Variants in ARHGAP8 observed in about 807,000 individuals in gnomAD.
ARHGAP8 encodes Rho GTPase activating protein 8.
A neutral mutation model predicts 46.1 loss-of-function variants in ARHGAP8; 62 were observed. The ratio of observed to expected loss-of-function variants is 1.34; its 90% CI spans 1.10 to 1.66. The LOEUF is 1.66. Among genes scored for constraint, ARHGAP8 ranks in the 40% most tolerant of loss-of-function variants. The pLI is 0.00. For missense variants in ARHGAP8, 923 were observed against 568.4 expected (o/e 1.62, Z -6.34); for synonymous variants, 375 against 243.1 (o/e 1.54, Z -5.05).
At chr22:44,792,598 G>A (rs1238985395) in intron 2 of ARHGAP8, among the ~76,000 whole-genome samples, 1 of 152,106 alleles carries the variant, frequency 6.6e-6, no homozygotes, top group Non-Finnish European at 1.5e-5. Context: ...TCCTTCAGGT[G>A]TGACTAGATG....
chr22:44,779,097 C>CTTCTTTTTT (rs1555910217), intron 1 of ARHGAP8, among the ~76,000 whole-genome samples: 1 of 26,106 alleles, frequency 3.8e-5, no homozygotes, highest in African/African-American at 1.5e-4. Context: ...TGGTCTCTGA[C>CTTCTTTTTT]TTTTTTTTTT....
intron 1 of ARHGAP8, among the ~76,000 whole-genome samples, chr22:44,783,049 A>C (rs1926959955): frequency 6.6e-6 from 1 of 150,416 alleles, no homozygotes; most frequent in Admixed American, 6.6e-5. Flanking sequence ...CCCGATACAC[A>C]CGCTCCCCTC....
intron 1 of ARHGAP8, among the ~76,000 whole-genome samples, chr22:44,759,491 G>A (rs1924955589): frequency 6.6e-6 from 1 of 152,216 alleles, no homozygotes; most frequent in South Asian, 2.1e-4. Flanking sequence ...TAGCTGCAAA[G>A]GTCTGGGGAT....
chr22:44,755,472 G>A (rs947992865), intron 1 of ARHGAP8, among the ~76,000 whole-genome samples: 4 of 152,220 alleles, frequency 2.6e-5, no homozygotes, highest in African/African-American at 9.6e-5. Context: ...GATGCTCAAG[G>A]AAGATGCATC....
chr22:44,843,463 TTGAC>T (rs1283280965), intron 7 of ARHGAP8, among the ~76,000 whole-genome samples: 1 of 152,142 alleles, frequency 6.6e-6, no homozygotes, highest in African/African-American at 2.4e-5. Flanking sequence ...TGAAAGTAGA[TTGAC>T]TGTTTAAATA....
intron 4 of ARHGAP8, chr22:44,808,962 C>T (rs192538062): frequency 9.4e-5 from 37 of 392,040 alleles, no homozygotes; most frequent in African/African-American, 5.2e-4. Context: ...GGACTACAGG[C>T]GTTCACCACC....
chr22:44,775,771 T>G (rs1926376344), intron 1 of ARHGAP8, among the ~76,000 whole-genome samples: 1 of 152,142 alleles, frequency 6.6e-6, no homozygotes, highest in Non-Finnish European at 1.5e-5. Context: ...AAGGGAAATT[T>G]TTAGTACCTG....
At chr22:44,856,154 T>G (rs1427621822) in intron 10 of ARHGAP8, among the ~76,000 whole-genome samples, 1 of 149,282 alleles carries the variant, frequency 6.7e-6, no homozygotes, top group African/African-American at 2.5e-5. Context: ...CATCCCCACC[T>G]CCCACATTGG....
At chr22:44,754,251 G>A (rs974415945) in intron 1 of ARHGAP8, among the ~76,000 whole-genome samples, 1 of 152,108 alleles carries the variant, frequency 6.6e-6, no homozygotes, top group Non-Finnish European at 1.5e-5. Flanking sequence ...GGGATACTTC[G>A]CTTGTGAGGT....
rs146164288 is a variant in ARHGAP8, at chr22:44,843,372, A to C, written c.597-1897A>C. Among the ~76,000 whole-genome samples the C allele has an allele frequency of 1.6e-4, 25 of 152,352 alleles. No individual in the cohort carries two copies. In the East Asian group the frequency reaches 3.9e-3, roughly 23 times the overall value. ...ATGCCAAATAGAAATTGGGATCCTC[A>C]CAAAGGAATGAAGCATGCTGAAAAT... is the stretch of plus-strand genomic sequence containing the variant. On this transcript the variant is annotated intron_variant, in intron 7 of 11. Transcript: ENST00000356099.
chr22:44,826,598 T>C (rs1446211447), intron 7 of ARHGAP8, among the ~76,000 whole-genome samples: 1 of 152,066 alleles, frequency 6.6e-6, no homozygotes. Context: ...CTAATTTTTT[T>C]GTATTTTTAG....
At chr22:44,843,469 G>A (rs1317613851) in intron 7 of ARHGAP8, among the ~76,000 whole-genome samples, 1 of 152,156 alleles carries the variant, frequency 6.6e-6, no homozygotes, top group Non-Finnish European at 1.5e-5. Context: ...TAGATTGACT[G>A]TTTAAATAAA....
chr22:44,861,422 T>G (rs58755409), intron 11 of ARHGAP8, among the ~76,000 whole-genome samples: 2 of 152,124 alleles, frequency 1.3e-5, no homozygotes, highest in South Asian at 2.1e-4. Flanking sequence ...TGGCCTGCAG[T>G]GGGCCTGGCT....
chr22:44,803,005 T>TGCTGCC (rs931589451), intron 3 of ARHGAP8, among the ~76,000 whole-genome samples: 10 of 152,262 alleles, frequency 6.6e-5, no homozygotes, highest in Admixed American at 3.3e-4. Flanking sequence ...CTGCTGCTGC[T>TGCTGCC]GCTGCCGCCA....
At chr22:44,843,112 C>G (rs1158832690) in intron 7 of ARHGAP8, among the ~76,000 whole-genome samples, 1 of 152,290 alleles carries the variant, frequency 6.6e-6, no homozygotes, top group African/African-American at 2.4e-5. Flanking sequence ...GGCACGGAAG[C>G]CTTTCTCTCT....
rs574987420 is a variant in ARHGAP8 at position 44,858,577 on chromosome 22, G to A, written c.878-1154G>A. 2.6e-4 allele frequency among the ~76,000 whole-genome samples: 31 copies of A among 120,410 alleles called. No homozygotes were observed. In the South Asian group the frequency reaches 5.2e-3, roughly 20 times the overall value. The allele number at this position is 120,410 out of a possible 152,430, so 79.0% of individuals were successfully genotyped here. A position where few individuals can be genotyped will look rare whatever the true frequency, so the allele number is the denominator to read the frequency against. On this transcript the variant is annotated intron_variant, in intron 10 of 11. Transcript: ENST00000356099. ...AAGTAACAGGGTTTCACCATGTTGG[G>A]TCAGGCTGGTCTCGCACTCCTGACC... is the stretch of plus-strand genomic sequence containing the variant.
At chr22:44,852,879 T>C (rs2070131244) in intron 10 of ARHGAP8, among the ~76,000 whole-genome samples, 2 of 152,304 alleles carry the variant, frequency 1.3e-5, no homozygotes, top group Admixed American at 6.5e-5. Flanking sequence ...CTCGGCTCAG[T>C]GCAACCTCCA....
At chr22:44,827,269 G>A (rs1930587303) in intron 7 of ARHGAP8, among the ~76,000 whole-genome samples, 1 of 149,232 alleles carries the variant, frequency 6.7e-6, no homozygotes, top group Non-Finnish European at 1.5e-5. Flanking sequence ...GTGGAACACA[G>A]TCAGGTCAAC....
intron 1 of ARHGAP8, among the ~76,000 whole-genome samples, chr22:44,761,006 G>A (rs1313311990): frequency 6.6e-6 from 1 of 152,194 alleles, no homozygotes; most frequent in Non-Finnish European, 1.5e-5. Flanking sequence ...AAGCCCACTG[G>A]CCAGGAGAAA....
Sources: allele counts gnomAD v4.1 joint callset (sites outside exome capture counted in the v4.1 genomes callset), GRCh38; gene constraint gnomAD v4.1.1; transcripts MANE v1.5; gene names NCBI Gene and HGNC (gene_info 2026-07-23, HGNC 2026-07-21).